Variants in ADGRG7 observed in about 807,000 individuals in gnomAD.
ADGRG7 encodes the protein G-protein coupled receptor 128.
A neutral mutation model predicts 88.6 loss-of-function variants in ADGRG7; 82 were observed. The ratio of observed to expected loss-of-function variants is 0.93; its 90% confidence interval spans 0.77 to 1.11. The LOEUF is 1.11. Among genes scored for constraint, ADGRG7 ranks in the 50% most tolerant of loss-of-function variants. ADGRG7 has a pLI of 0.00. For synonymous variants in ADGRG7, 381 were observed against 345.2 expected (o/e 1.10, Z -1.15); for missense variants, 945 against 953.4 (o/e 0.99, Z 0.12).
At chr3:100,628,497 T>C (rs1474531813) in intron 1 of ADGRG7, among the ~76,000 whole-genome samples, 5 of 152,066 alleles carry the variant, frequency 3.3e-5, no homozygotes, top group African/African-American at 9.7e-5. Flanking sequence ...TAACTGGGAC[T>C]ACAGGCAGGC....
At position 100,613,659 on chromosome 3, in the gene ADGRG7, G is replaced by A. The variant is rs1039669028; in HGVS notation, c.115+3688G>A. On this transcript the variant is annotated intron_variant, in intron 1 of 15. Transcript: ENST00000273352. ...TATCAGAATCAGTGATGTTTAAAGT[G>A]TTGATTCCATTTTAAAAGTTACTTT... Among the ~76,000 whole-genome samples the A allele has an allele frequency of 1.2e-4, 18 of 152,206 alleles. 1 individual carries two copies. Among genetic ancestry groups the A allele is most frequent in the African/African-American group, 3.9e-4 (16 of 41,452 alleles).
chr3:100,661,500 G>T (rs780373045), intron 14 of ADGRG7, among the ~76,000 whole-genome samples: 4 of 152,158 alleles, frequency 2.6e-5, no homozygotes, highest in African/African-American at 7.2e-5. Flanking sequence ...AACTAGCAGA[G>T]ACTGAAACCA....
intron 14 of ADGRG7, chr3:100,665,573 A>G (rs1306540709): frequency 1.1e-5 from 4 of 373,010 alleles, no homozygotes; most frequent in Non-Finnish European, 1.6e-5. Flanking sequence ...AAGGTTAAGT[A>G]TCATTCTTCC....
intron 2 of ADGRG7, among the ~76,000 whole-genome samples, chr3:100,630,197 C>T (rs535857014): frequency 6.6e-6 from 1 of 152,210 alleles, no homozygotes; most frequent in Admixed American, 6.5e-5. Flanking sequence ...AATTGTGTCT[C>T]AGAATCAAAG....
intron 15 of ADGRG7, among the ~76,000 whole-genome samples, chr3:100,676,038 TG>T (rs2149037892): frequency 6.6e-6 from 1 of 152,212 alleles, no homozygotes; most frequent in African/African-American, 2.4e-5. Flanking sequence ...TCAATTTTTT[TG>T]ATCTTTAAAA....
At chr3:100,610,098 A>G (rs1259997763) in intron 1 of ADGRG7, 127 bp downstream of exon 1, 4 of 683,838 alleles carry the variant, frequency 5.8e-6, no homozygotes, top group African/African-American at 1.8e-5. Context: ...GGTGCCATTT[A>G]TGGGATATAA....
intron 10 of ADGRG7, among the ~76,000 whole-genome samples, chr3:100,648,620 G>A (rs1450511435): frequency 6.6e-6 from 1 of 152,126 alleles, no homozygotes; most frequent in Non-Finnish European, 1.5e-5. Context: ...GTATGTTTGT[G>A]TAAGAGACAT....
chr3:100,676,858 C>A (rs969139861), intron 15 of ADGRG7, among the ~76,000 whole-genome samples: 2 of 151,696 alleles, frequency 1.3e-5, no homozygotes, highest in Non-Finnish European at 2.9e-5. Context: ...GTATAGTGAC[C>A]TTTTTCCTTT....
At chr3:100,613,046 C>T (rs551329117) in intron 1 of ADGRG7, among the ~76,000 whole-genome samples, 10 of 152,166 alleles carry the variant, frequency 6.6e-5, no homozygotes, top group African/African-American at 1.4e-4. Flanking sequence ...CTCACCACCA[C>T]GCCTGGCTAT....
intron 1 of ADGRG7, among the ~76,000 whole-genome samples, chr3:100,616,244 A>G (rs1628469): frequency 0.24 from 36,064 of 152,060 alleles, 5,419 homozygotes; most frequent in Non-Finnish European, 0.34. Context: ...TGAGTTTACA[A>G]TACAAAATTA....
At chr3:100,619,361 AG>A (rs1266280501) in intron 1 of ADGRG7, among the ~76,000 whole-genome samples, 1 of 152,254 alleles carries the variant, frequency 6.6e-6, no homozygotes, top group Non-Finnish European at 1.5e-5. Context: ...GAAACCAACA[AG>A]AACAAAGACA....
chr3:100,616,654 C>A (rs961542764), intron 1 of ADGRG7, among the ~76,000 whole-genome samples: 1 of 152,012 alleles, frequency 6.6e-6, no homozygotes, highest in African/African-American at 2.4e-5. Context: ...CTGCAAAACA[C>A]AAAATATTAT....
At chr3:100,627,713 CTTTGAG>C (rs1328127254) in intron 1 of ADGRG7, among the ~76,000 whole-genome samples, 1 of 152,126 alleles carries the variant, frequency 6.6e-6, no homozygotes, top group Non-Finnish European at 1.5e-5. Context: ...TTCTCCTTAT[CTTTGAG>C]TTTCAGCAGT....
chr3:100,609,814 A>G lies in ADGRG7; in HGVS notation c.-43A>G, dbSNP rs369113485. 3.1e-5 allele frequency: 43 copies of G among 1,404,172 alleles called. No individual in the cohort carries two copies. The highest frequency in any genetic ancestry group is 3.9e-5 in the Non-Finnish European group (39 of 990,240). 87.0% of individuals were successfully genotyped at this position (1,404,172 alleles called of 1,614,324 possible). On this transcript the variant is annotated 5_prime_UTR_variant, in exon 1 of 16. Coordinates refer to ENST00000273352, the MANE Select transcript of ADGRG7 (RefSeq NM_032787.3). ...TTTTAGCTCAAGAAGAAAAGAAGCT[A>G]GTTATTTCTCACCCAGGAGTGGATT...
chr3:100,677,160 T>G (rs998849943), intron 15 of ADGRG7, among the ~76,000 whole-genome samples: 1 of 152,100 alleles, frequency 6.6e-6, no homozygotes, highest in Non-Finnish European at 1.5e-5. Flanking sequence ...CTCCTCTTCT[T>G]TTCTGTCTTC....
chr3:100,654,737 G>A, intron 11 of ADGRG7, 98 bp from the exon 12 acceptor site: 1 of 710,874 alleles, frequency 1.4e-6, no homozygotes, highest in Non-Finnish European at 2.3e-6. Flanking sequence ...CTTACATTGG[G>A]CAATAATATT....
chr3:100,646,175 A>G, intron 9 of ADGRG7, 67 bp downstream of exon 9: 1 of 1,016,224 alleles, frequency 9.8e-7, no homozygotes, highest in Non-Finnish European at 1.4e-6. Flanking sequence ...GTGGCAGCTG[A>G]GACTGAGTAG....
intron 8 of ADGRG7, among the ~76,000 whole-genome samples, chr3:100,644,197 A>G (rs1029765324): frequency 6.6e-6 from 1 of 151,862 alleles, no homozygotes; most frequent in African/African-American, 2.4e-5. Flanking sequence ...TAAAAAAAAA[A>G]TAAGTAAATC....
chr3:100,654,681 C>T lies in ADGRG7; in HGVS notation c.1380-154C>T, dbSNP rs191352764. On this transcript the variant is annotated intron_variant, in intron 11 of 15. Coordinates refer to ENST00000273352, the MANE Select transcript of ADGRG7 (RefSeq NM_032787.3). ...GGAAAGTATAGTTTTCTGATGTAATCGAGAAGGTAGATTTACCAGCTGTCA... is the reference window on the plus strand; with the variant it reads ...GGAAAGTATAGTTTTCTGATGTAATTGAGAAGGTAGATTTACCAGCTGTCA... 48 of 558,124 alleles carry T rather than the reference C, an allele frequency of 8.6e-5. No individual in the cohort carries two copies. The East Asian group carries it at 1.0e-3, about 12-fold the overall frequency. 34.6% of individuals were successfully genotyped at this position (558,124 alleles called of 1,614,324 possible). A position where few individuals can be genotyped will look rare whatever the true frequency, so the allele number is the denominator to read the frequency against.
Sources: allele counts gnomAD v4.1 joint callset (sites outside exome capture counted in the v4.1 genomes callset), GRCh38; gene constraint gnomAD v4.1.1; transcripts MANE v1.5; gene names NCBI Gene and HGNC (gene_info 2026-07-23, HGNC 2026-07-21).